Variants in ANKFN1 observed in about 807,000 individuals in gnomAD.
The protein encoded by ANKFN1 is ankyrin repeat and fibronectin type-III domain-containing protein 1.
In ANKFN1, 74 loss-of-function variants were observed where a neutral mutation model predicts 108.7. The observed-to-expected ratio is 0.68, with a 90% CI of 0.56 to 0.83. The LOEUF is 0.83. Among genes scored for constraint, ANKFN1 ranks in the 40% least tolerant of loss-of-function variants. The pLI, the probability that ANKFN1 is intolerant of heterozygous loss-of-function variation, is 0.00. For missense variants in ANKFN1, 1,505 were observed against 1,382.3 expected, an observed-to-expected ratio of 1.09 and a Z score of -1.41; for synonymous variants, 547 against 516.2, an observed-to-expected ratio of 1.06 and a Z score of -0.81.
chr17:56,408,048 C>T (rs1295735943), intron 8 of ANKFN1, among the ~76,000 whole-genome samples: 1 of 148,000 alleles, frequency 6.8e-6, no homozygotes, highest in Non-Finnish European at 1.5e-5. Context: ...GATTCTCTTG[C>T]CTCAGCCTCC....
chr17:56,256,379 A>G (rs1435241322), intron 3 of ANKFN1, among the ~76,000 whole-genome samples: 1 of 152,206 alleles, frequency 6.6e-6, no homozygotes, highest in Non-Finnish European at 1.5e-5. Context: ...ACAAAAGCCT[A>G]TTCTTGTCTA....
chr17:56,156,886 A>C (rs1909169884), intron 1 of ANKFN1, among the ~76,000 whole-genome samples: 1 of 152,264 alleles, frequency 6.6e-6, no homozygotes, highest in Non-Finnish European at 1.5e-5. Context: ...AGAGTTGATT[A>C]GTTACAACAA....
chr17:56,302,165 G>A (rs957028931), intron 3 of ANKFN1, among the ~76,000 whole-genome samples: 7 of 152,078 alleles, frequency 4.6e-5, no homozygotes, highest in African/African-American at 1.7e-4. Context: ...CCAAATTTGC[G>A]TAGTTAAAAA....
chr17:56,152,944 T>C (rs2143448160), upstream of ANKFN1, among the ~76,000 whole-genome samples: 1 of 152,322 alleles, frequency 6.6e-6, no homozygotes, highest in Non-Finnish European at 1.5e-5. Flanking sequence ...ACCAGACTTC[T>C]AGGAAACAGC....
intron 4 of ANKFN1, among the ~76,000 whole-genome samples, chr17:56,336,455 A>C (rs1441692267): frequency 1.3e-5 from 2 of 152,156 alleles, no homozygotes; most frequent in Non-Finnish European, 1.5e-5. Context: ...GGGAGGGTGT[A>C]TGCGGCCAGG....
chr17:56,226,206 A>G (rs1209560911), intron 2 of ANKFN1, among the ~76,000 whole-genome samples: 1 of 152,152 alleles, frequency 6.6e-6, no homozygotes, highest in Non-Finnish European at 1.5e-5. Flanking sequence ...GGGTCAAACT[A>G]TAGAATAATA....
At chr17:56,259,749 C>T (rs1362670147) in intron 3 of ANKFN1, among the ~76,000 whole-genome samples, 1 of 152,120 alleles carries the variant, frequency 6.6e-6, no homozygotes, top group Non-Finnish European at 1.5e-5. Flanking sequence ...TTAATGAAAA[C>T]TGTATCTAAT....
In ANKFN1 at chr17:56,515,823, T is replaced by C. The variant is rs2051900495; in HGVS notation, c.*4554T>C. Among the ~76,000 whole-genome samples, 1 of 152,244 alleles carries C rather than the reference T, an allele frequency of 6.6e-6. No individual in the cohort carries two copies. The highest frequency in any genetic ancestry group is 1.5e-5 in the Non-Finnish European group (1 of 68,042). On this transcript the variant is annotated 3_prime_UTR_variant, in exon 21 of 21. Transcript: ENST00000682825. ...TTTCAATTATTTCTTCTATTTCCAC[T>C]AATAATGACTTTGTAAAACAGTTAT...
intron 3 of ANKFN1, among the ~76,000 whole-genome samples, chr17:56,273,535 A>G (rs16957000): frequency 0.038 from 5,850 of 152,252 alleles, 236 homozygotes; most frequent in African/African-American, 0.099. Flanking sequence ...ATACAATACA[A>G]TTACAGACAC....
intron 4 of ANKFN1, among the ~76,000 whole-genome samples, chr17:56,089,847 T>A (rs572362261): frequency 6.6e-6 from 1 of 151,410 alleles, no homozygotes; most frequent in East Asian, 1.9e-4. Flanking sequence ...CCTGAGCCTT[T>A]GTTTCCTCAT....
intron 1 of ANKFN1, among the ~76,000 whole-genome samples, chr17:56,208,963 C>T (rs749839711): frequency 1.4e-4 from 22 of 152,068 alleles, no homozygotes; most frequent in Non-Finnish European, 8.8e-5. Flanking sequence ...CTGCAACCTC[C>T]GCCTCCTGGA....
At chr17:56,388,415 A>G (rs987012395) in intron 8 of ANKFN1, among the ~76,000 whole-genome samples, 1 of 146,020 alleles carries the variant, frequency 6.8e-6, no homozygotes, top group Non-Finnish European at 1.5e-5. Flanking sequence ...TACAGGCATG[A>G]GTCACTGCAC....
At position 56,369,142 on chromosome 17, in the gene ANKFN1, T is replaced by C. The variant is rs546489156; in HGVS notation, c.602-3504T>C. On this transcript the variant is annotated intron_variant, in intron 6 of 20. Transcript: ENST00000682825. ...CATGCTACAGTTATTAATCTGGACA[T>C]TCAAGGAATTGGCCACTGTCACTGC... is the stretch of plus-strand genomic sequence containing the variant. Among the ~76,000 whole-genome samples, 12 of 152,336 alleles carry C rather than the reference T, an allele frequency of 7.9e-5. No homozygotes were observed. The South Asian group carries it at 2.3e-3, about 29-fold the overall frequency.
chr17:56,112,375 A>G (rs1474223871), intron 4 of ANKFN1, among the ~76,000 whole-genome samples: 1 of 152,074 alleles, frequency 6.6e-6, no homozygotes, highest in Non-Finnish European at 1.5e-5. Flanking sequence ...GGTTACAACT[A>G]AAATCAATTT....
intron 10 of ANKFN1, among the ~76,000 whole-genome samples, chr17:56,448,680 C>T (rs1018202374): frequency 5.3e-5 from 8 of 152,198 alleles, no homozygotes; most frequent in Non-Finnish European, 1.0e-4. Flanking sequence ...ATTCCCACCC[C>T]TTTCTTTCCT....
At chr17:56,138,655 G>A (rs1407913808) in intron 4 of ANKFN1, among the ~76,000 whole-genome samples, 1 of 151,758 alleles carries the variant, frequency 6.6e-6, no homozygotes, top group Non-Finnish European at 1.5e-5. Context: ...GATTACAGGT[G>A]TGCACCACCA....
chr17:56,312,080 T>A (rs1251679884), intron 3 of ANKFN1, among the ~76,000 whole-genome samples: 1 of 152,156 alleles, frequency 6.6e-6, no homozygotes, highest in Non-Finnish European at 1.5e-5. Flanking sequence ...TTATCTTCCT[T>A]CACCCCCACC....
At chr17:56,246,842 G>C (rs2144033843) in intron 3 of ANKFN1, among the ~76,000 whole-genome samples, 1 of 152,162 alleles carries the variant, frequency 6.6e-6, no homozygotes, top group East Asian at 1.9e-4. Flanking sequence ...ATGTTGTAGG[G>C]GAGTTTCTAT....
intron 3 of ANKFN1, among the ~76,000 whole-genome samples, chr17:56,277,537 A>C (rs2043965762): frequency 6.6e-6 from 1 of 152,110 alleles, no homozygotes; most frequent in Non-Finnish European, 1.5e-5. Flanking sequence ...TATAATCCTC[A>C]CAGTACACCT....
Sources: allele counts gnomAD v4.1 joint callset (sites outside exome capture counted in the v4.1 genomes callset), GRCh38; gene constraint gnomAD v4.1.1; transcripts MANE v1.5; gene names NCBI Gene and HGNC (gene_info 2026-07-23, HGNC 2026-07-21).